Variants in TTC27 observed in about 807,000 individuals in gnomAD.
TTC27 encodes tetratricopeptide repeat domain 27, also known as tetratricopeptide repeat protein 27.
TTC27 carries 79 observed loss-of-function variants against 115.9 expected under a neutral mutation model. That is an observed-to-expected ratio of 0.68 (90% confidence interval 0.57 to 0.82). The LOEUF (loss-of-function observed/expected upper bound fraction) is 0.82. Among genes scored for constraint, TTC27 ranks in the 40% least tolerant of loss-of-function variants. The probability of loss-of-function intolerance (pLI) is 0.00; values close to 1 mark genes in which losing one functional copy is unlikely to be tolerated. For missense variants in TTC27, 1,054 were observed against 993.1 expected (o/e 1.06, Z -0.82); for synonymous variants, 401 against 356.0 (o/e 1.13, Z -1.42).
intron 7 of TTC27, among the ~76,000 whole-genome samples, chr2:32,667,185 C>G (rs1003317141): frequency 6.6e-6 from 1 of 152,010 alleles, no homozygotes; most frequent in African/African-American, 2.4e-5. Context: ...AATATATAAA[C>G]ATTATCAGAA....
intron 15 of TTC27, among the ~76,000 whole-genome samples, chr2:32,786,453 T>C (rs1249284592): frequency 6.6e-6 from 1 of 152,208 alleles, no homozygotes; most frequent in African/African-American, 2.4e-5. Flanking sequence ...CTTAAAATTT[T>C]GTCGTTAGTA....
intron 17 of TTC27, 100 bp from the exon 18 acceptor site, chr2:32,812,403 CT>C: frequency 1.2e-6 from 1 of 860,386 alleles, no homozygotes; most frequent in African/African-American, 1.7e-5. Flanking sequence ...ACAGATGCTG[CT>C]TTTTCACATT....
intron 9 of TTC27, among the ~76,000 whole-genome samples, chr2:32,691,425 A>G (rs535957751): frequency 2.0e-5 from 3 of 151,872 alleles, no homozygotes; most frequent in Admixed American, 2.0e-4. Context: ...CAGTCTTCCA[A>G]GTAGCTGGGA....
chr2:32,765,507 G>A (rs1388787107), intron 13 of TTC27, among the ~76,000 whole-genome samples: 1 of 152,132 alleles, frequency 6.6e-6, no homozygotes, highest in Admixed American at 6.5e-5. Context: ...CTTTAGGGCT[G>A]TGGGATTTTC....
chr2:32,682,847 GTTTTTTTT>G (rs70938360), intron 9 of TTC27, among the ~76,000 whole-genome samples: 1 of 49,786 alleles, frequency 2.0e-5, no homozygotes, highest in African/African-American at 1.0e-4. Flanking sequence ...TTTTATTGTT[GTTTTTTTT>G]TTTTTTTTTT....
At chr2:32,758,711 A>G (rs752900188) in intron 13 of TTC27, among the ~76,000 whole-genome samples, 192 bp downstream of exon 13, 14 of 152,042 alleles carry the variant, frequency 9.2e-5, no homozygotes, top group Non-Finnish European at 1.5e-4. Context: ...GGTTTTTTTT[A>G]ATTCACTTTC....
intron 6 of TTC27, among the ~76,000 whole-genome samples, chr2:32,665,203 A>G (rs1328811718): frequency 6.6e-6 from 1 of 152,060 alleles, no homozygotes; most frequent in African/African-American, 2.4e-5. Context: ...CCAATATATT[A>G]TGAATAAATA....
intron 3 of TTC27, among the ~76,000 whole-genome samples, chr2:32,639,989 A>C (rs990156370): frequency 2.6e-5 from 4 of 152,008 alleles, no homozygotes; most frequent in African/African-American, 9.7e-5. Context: ...ACAGAGTGAG[A>C]CTCCCATCTC....
chr2:32,668,536 T>C lies in TTC27; in HGVS notation c.939+1768T>C, dbSNP rs1006227231. Among the ~76,000 whole-genome samples, 48 of 45,924 alleles carry C rather than the reference T, an allele frequency of 1.0e-3. 1 individual carries two copies. The highest frequency in any genetic ancestry group is 3.7e-3 in the South Asian group (3 of 814). 30.1% of individuals were successfully genotyped at this position (45,924 alleles called of 152,430 possible). A position where few individuals can be genotyped will look rare whatever the true frequency, so the allele number is the denominator to read the frequency against. ...TTTCTCCTTTTCTTCTTTCTTCCCT[T>C]CCTCCCTCCCTCCCTCCCTCCCTCC... On this transcript the variant is annotated intron_variant, in intron 7 of 19. Transcript: ENST00000317907.
intron 3 of TTC27, among the ~76,000 whole-genome samples, chr2:32,637,438 TC>T (rs1420306125): frequency 6.6e-6 from 1 of 152,118 alleles, no homozygotes; most frequent in East Asian, 1.9e-4. Context: ...TTCAAGTGAT[TC>T]TCCTGCCTCA....
intron 12 of TTC27, among the ~76,000 whole-genome samples, chr2:32,757,589 A>C (rs1164977425): frequency 6.6e-6 from 1 of 152,176 alleles, no homozygotes; most frequent in Non-Finnish European, 1.5e-5. Flanking sequence ...TGCTTACTTC[A>C]TATCTCTGTG....
intron 5 of TTC27, among the ~76,000 whole-genome samples, chr2:32,663,617 C>T (rs1230897474): frequency 1.3e-5 from 2 of 151,946 alleles, no homozygotes; most frequent in African/African-American, 2.4e-5. Flanking sequence ...TATTGGCCAT[C>T]TTGACAGCCA....
At chr2:32,782,141 G>A (rs949903741) in intron 14 of TTC27, among the ~76,000 whole-genome samples, 1 of 152,022 alleles carries the variant, frequency 6.6e-6, no homozygotes, top group Non-Finnish European at 1.5e-5. Flanking sequence ...CTTTATTTTT[G>A]TCATTGGGTA....
At chr2:32,714,134 G>A (rs1667674171) in intron 10 of TTC27, among the ~76,000 whole-genome samples, 1 of 149,944 alleles carries the variant, frequency 6.7e-6, no homozygotes, top group African/African-American at 2.4e-5. Flanking sequence ...ATTCCATGGT[G>A]TATATGCAGC....
chr2:32,763,029 C>G (rs933404735), intron 13 of TTC27, among the ~76,000 whole-genome samples: 1 of 152,188 alleles, frequency 6.6e-6, no homozygotes, highest in East Asian at 1.9e-4. Context: ...CAGGGGAGAA[C>G]TTGACAGGGC....
chr2:32,804,437 G>A (rs191859044), intron 16 of TTC27, among the ~76,000 whole-genome samples: 3 of 152,244 alleles, frequency 2.0e-5, no homozygotes, highest in African/African-American at 7.2e-5. Flanking sequence ...TACTGATAAT[G>A]GTGGCAGCAC....
intron 16 of TTC27, among the ~76,000 whole-genome samples, chr2:32,795,796 C>G (rs1201920099): frequency 1.3e-5 from 2 of 149,230 alleles, no homozygotes; most frequent in Admixed American, 6.7e-5. Context: ...CCAGGCTGGT[C>G]TTGAGCTTCT....
At chr2:32,677,826 G>T (rs1231723594) in intron 8 of TTC27, among the ~76,000 whole-genome samples, 1 of 152,158 alleles carries the variant, frequency 6.6e-6, no homozygotes, top group East Asian at 1.9e-4. Context: ...AATGCCCATT[G>T]TTCTGCCTCC....
chr2:32,758,800 G>C (rs967723711), intron 13 of TTC27, among the ~76,000 whole-genome samples: 9 of 151,646 alleles, frequency 5.9e-5, no homozygotes, highest in Admixed American at 2.6e-4. Flanking sequence ...ATTAAAATTA[G>C]GTCCAATTTT....
Sources: allele counts gnomAD v4.1 joint callset (sites outside exome capture counted in the v4.1 genomes callset), GRCh38; gene constraint gnomAD v4.1.1; transcripts MANE v1.5; gene names NCBI Gene and HGNC (gene_info 2026-07-23, HGNC 2026-07-21).